HMOX2: variants seen among roughly 807,000 people sequenced by gnomAD.
HMOX2 encodes heme oxygenase (decycling) 2.
In HMOX2, 30 loss-of-function variants were observed where a neutral mutation model predicts 33.7. The ratio of observed to expected loss-of-function variants is 0.89; its 90% CI spans 0.67 to 1.21. The LOEUF (loss-of-function observed/expected upper bound fraction) is 1.21, where lower values mean the gene tolerates loss of function less well. Ranked by LOEUF, HMOX2 falls within the 50% of genes most tolerant of loss-of-function variation. The pLI, the probability that HMOX2 is intolerant of heterozygous loss-of-function variation, is 0.00. For synonymous variants in HMOX2, 155 were observed against 155.0 expected, an observed-to-expected ratio of 1.00 and a Z score of 0.00; for missense variants, 403 against 399.1, an observed-to-expected ratio of 1.01 and a Z score of -0.08.
intron 1 of HMOX2, among the ~76,000 whole-genome samples, chr16:4,485,048 C>A (rs2058132395): frequency 6.6e-6 from 1 of 151,998 alleles, no homozygotes; most frequent in Non-Finnish European, 1.5e-5. Context: ...TCACTGCAAC[C>A]TCCACCTCCT....
At chr16:4,480,279 C>G (rs2057985786) in intron 1 of HMOX2, among the ~76,000 whole-genome samples, 2 of 151,624 alleles carry the variant, frequency 1.3e-5, no homozygotes, top group South Asian at 4.2e-4. Flanking sequence ...AGCTCCTGAC[C>G]TCAAGCGAAC....
At chr16:4,489,321 C>T (rs1302255446) in intron 1 of HMOX2, among the ~76,000 whole-genome samples, 1 of 152,182 alleles carries the variant, frequency 6.6e-6, no homozygotes, top group Non-Finnish European at 1.5e-5. Context: ...ATCATCCTCC[C>T]TCCCTCTCTC....
At chr16:4,507,087 C>A (rs566853006) in intron 3 of HMOX2, 75 bp downstream of exon 3, 2 of 902,718 alleles carry the variant, frequency 2.2e-6, no homozygotes, top group African/African-American at 1.6e-5. Flanking sequence ...AGAAAAGTGC[C>A]CCTGGAGCCA....
At chr16:4,500,557 G>T (rs2058534120) in intron 1 of HMOX2, among the ~76,000 whole-genome samples, 2 of 152,118 alleles carry the variant, frequency 1.3e-5, no homozygotes, top group Admixed American at 6.5e-5. Flanking sequence ...TCTTCCTTCA[G>T]TTCAGGTTTC....
intron 1 of HMOX2, among the ~76,000 whole-genome samples, chr16:4,494,554 C>T (rs1424588989): frequency 4.6e-5 from 7 of 152,032 alleles, no homozygotes; most frequent in African/African-American, 1.7e-4. Flanking sequence ...TTGTTACTAA[C>T]CATGAAGTTG....
At chr16:4,492,288 C>G (rs1489591847) in intron 1 of HMOX2, among the ~76,000 whole-genome samples, 1 of 151,608 alleles carries the variant, frequency 6.6e-6, no homozygotes, top group Non-Finnish European at 1.5e-5. Context: ...GAGCTAATAT[C>G]TCACCACTGC....
At chr16:4,493,411 A>T (rs1474919584) in intron 1 of HMOX2, among the ~76,000 whole-genome samples, 2 of 152,194 alleles carry the variant, frequency 1.3e-5, no homozygotes. Flanking sequence ...GCACCATATG[A>T]TGTCACAGTT....
At chr16:4,477,469 A>T (rs1318122225) in intron 1 of HMOX2, among the ~76,000 whole-genome samples, 1 of 142,056 alleles carries the variant, frequency 7.0e-6, no homozygotes, top group Admixed American at 7.6e-5. Flanking sequence ...ATTGCACTCC[A>T]GCCTGGGCGA....
At chr16:4,483,467 CAA>C (rs2058083965) in intron 1 of HMOX2, among the ~76,000 whole-genome samples, 1 of 151,946 alleles carries the variant, frequency 6.6e-6, no homozygotes, top group Non-Finnish European at 1.5e-5. Flanking sequence ...TAGGAAATTA[CAA>C]AAGTTTTAGG....
intron 1 of HMOX2, among the ~76,000 whole-genome samples, chr16:4,488,953 G>A (rs945753122): frequency 6.6e-6 from 1 of 151,956 alleles, no homozygotes; most frequent in African/African-American, 2.4e-5. Flanking sequence ...GGACTCCTGA[G>A]TAGCTGGGAT....
At chr16:4,487,833 C>A (rs2058210649) in intron 1 of HMOX2, among the ~76,000 whole-genome samples, 1 of 151,558 alleles carries the variant, frequency 6.6e-6, no homozygotes, top group Non-Finnish European at 1.5e-5. Context: ...TGCCTGTAAT[C>A]CCAGCTACTC....
At chr16:4,475,546 A>T (rs1237931070), upstream of HMOX2, among the ~76,000 whole-genome samples, 1 of 151,296 alleles carries the variant, frequency 6.6e-6, no homozygotes. Context: ...TGCTGACCTC[A>T]AGTGATCTTC....
At chr16:4,479,427 C>G (rs952765688) in intron 1 of HMOX2, 4 of 152,044 alleles carry the variant, frequency 2.6e-5, no homozygotes, top group African/African-American at 9.7e-5. Context: ...AGGGAGTGGA[C>G]TGGCAGGGAA....
At chr16:4,487,445 C>T (rs1016696346) in intron 1 of HMOX2, among the ~76,000 whole-genome samples, 36 of 151,234 alleles carry the variant, frequency 2.4e-4, no homozygotes, top group African/African-American at 7.5e-4. Context: ...CCGAGGCGGG[C>T]GGATCACCTG....
chr16:4,508,165 C>G lies in HMOX2; in HGVS notation c.657C>G (p.Ile219Met), dbSNP rs538917494. 11 of 1,613,008 alleles carry G rather than the reference C, an allele frequency of 6.8e-6. No individual in the cohort carries two copies. The highest frequency in any genetic ancestry group is 7.6e-6 in the Non-Finnish European group (9 of 1,179,500). ...TGAACATGAAGACCAAAGAGAGGAT[C>G]GTGGAGGAGGCCAACAAGGCTTTTG... ...LDLNMKTKER[I>M]VEEANKAFEY... The change falls in exon 4 of 6, where the codon ATC (isoleucine) becomes ATG (methionine). Residue 219 changes from isoleucine to methionine, a missense_variant. Coordinates refer to ENST00000570646, the MANE Select transcript of HMOX2 (RefSeq NM_002134.4).
At chr16:4,487,775 G>A (rs2058208078) in intron 1 of HMOX2, among the ~76,000 whole-genome samples, 1 of 143,482 alleles carries the variant, frequency 7.0e-6, no homozygotes, top group Non-Finnish European at 1.5e-5. Flanking sequence ...GAGACAGAGC[G>A]AGACTCCGTC....
rs536232089 is a variant in HMOX2 at position 4,499,969 on chromosome 16, A to G, written c.-41-5515A>G. On this transcript the variant is annotated intron_variant, in intron 1 of 5. Transcript: ENST00000570646. ...ACAGGCACAGGCACACAAATCCTCTATTTAACTGGCTTTCTCAGTAGGAAC... is the reference window on the plus strand; with the variant it reads ...ACAGGCACAGGCACACAAATCCTCTGTTTAACTGGCTTTCTCAGTAGGAAC... Among the ~76,000 whole-genome samples, 35 of 152,290 alleles carry G rather than the reference A, an allele frequency of 2.3e-4. No homozygotes were observed. The South Asian group carries it at 6.6e-3, about 29-fold the overall frequency.
chr16:4,492,637 T>G (rs1362763290), intron 1 of HMOX2, among the ~76,000 whole-genome samples: 1 of 152,070 alleles, frequency 6.6e-6, no homozygotes, highest in East Asian at 1.9e-4. Context: ...GAAAATCCCT[T>G]GAACCCAGGA....
intron 1 of HMOX2, among the ~76,000 whole-genome samples, chr16:4,490,552 G>A (rs1596456814): frequency 6.6e-6 from 1 of 152,188 alleles, no homozygotes; most frequent in African/African-American, 2.4e-5. Context: ...AGGGGCTTCA[G>A]CCTGCCTGGA....
Sources: allele counts gnomAD v4.1 joint callset (sites outside exome capture counted in the v4.1 genomes callset), GRCh38; gene constraint gnomAD v4.1.1; transcripts MANE v1.5; gene names NCBI Gene and HGNC (gene_info 2026-07-23, HGNC 2026-07-21).